EPPK1: variants seen among roughly 807,000 people sequenced by gnomAD.
EPPK1 encodes the protein epiplakin.
For missense variants in EPPK1, 3,823 were observed against 3,673.3 expected (o/e 1.04, Z -1.05); for synonymous variants, 1,862 against 1,721.2 (o/e 1.08, Z -2.03).
rs782280610 is a variant in EPPK1 at position 143,871,949 on chromosome 8, A to G, written c.1305T>C (p.Ala435=). The change falls in exon 2 of 2, where the codon GCT becomes GCC. Residue 435 remains alanine, a synonymous_variant. Coordinates refer to ENST00000615648, the MANE Select transcript of EPPK1 (RefSeq NM_031308.4). ...DEDTQRQLSQ[A]GSFSDGTHGG... ...CGTGCGTGCCGTCTGAGAAGCTGCC[A>G]GCCTGCGAGAGCTGCCGCTGAGTGT... The G allele has an allele frequency of 5.0e-6, 8 of 1,600,346 alleles. No individual in the cohort carries two copies. The highest frequency in any genetic ancestry group is 3.4e-5 in the Admixed American group (2 of 59,562).
chr8:143,872,203 CTGGGCTG>C lies in EPPK1; in HGVS notation c.1044_1050del (p.Pro350SerfsTer12). ...GCCACCAGGAGCTGCTCATGGAGCT[CTGGGCTG>C]ACCAGGCCCGCCCTGACTGCCTCGT... On this transcript the variant is annotated frameshift_variant, in exon 2 of 2. Transcript: ENST00000615648. LOFTEE classifies it low-confidence loss of function (END_TRUNC). 1 of 1,606,350 alleles carries C rather than the reference CTGGGCTG, an allele frequency of 6.2e-7. No individual in the cohort carries two copies. The highest frequency in any genetic ancestry group is 1.1e-5 in the South Asian group (1 of 90,044).
chr8:143,872,740 CAG>C lies in EPPK1; in HGVS notation c.512_513del (p.Pro171ArgfsTer21), dbSNP rs1243095784. On this transcript the variant is annotated frameshift_variant, in exon 2 of 2. Coordinates refer to ENST00000615648, the MANE Select transcript of EPPK1 (RefSeq NM_031308.4). LOFTEE classifies it low-confidence loss of function (END_TRUNC). ...AGGAGGCCCTGGTGGCAGGCTGGCT[CAG>C]GGGCCACGAGCACTCCCTGGGCGGG... ...VDPAQGVLVA[P>X]EPACHQGLLD... 10 of 1,594,288 alleles carry C rather than the reference CAG, an allele frequency of 6.3e-6. No individual in the cohort carries two copies. Among genetic ancestry groups the C allele is most frequent in the East Asian group, 4.5e-5 (2 of 44,592 alleles).
At position 143,870,875 on chromosome 8, in the gene EPPK1, C is replaced by G. The variant is rs201912091; in HGVS notation, c.2379G>C (p.Leu793=). ...GCGTGCTGCTGAGTGGCAGGAGGTA[C>G]AGGCCCGTCTCGGGGTCACGCACAC... The part of the protein sequence containing the change: ...ERCVRDPETG[L]YLLPLSSTQS... The change falls in exon 2 of 2, where the codon CTG becomes CTC. Residue 793 remains leucine (L), a synonymous_variant. Transcript: ENST00000615648. The surrounding 1 kb of genome is among the most constrained non-coding windows in gnomAD (Gnocchi z 5.2). 6.2e-7 allele frequency: 1 copy of G among 1,612,966 alleles called. No individual in the cohort carries two copies. The highest frequency in any genetic ancestry group is 8.5e-7 in the Non-Finnish European group (1 of 1,179,908).
chr8:143,872,158 G>A lies in EPPK1; in HGVS notation c.1096C>T (p.His366Tyr), dbSNP rs1554661458. Reference sequence around the variant, plus strand: ...TGGGAGCCACTGAAGGGGTCGTGGTGCCCTGTCACGGCCTGCTCGGCCACC... The same window carrying A: ...TGGGAGCCACTGAAGGGGTCGTGGTACCCTGTCACGGCCTGCTCGGCCACC... ...LLVAEQAVTG[H>Y]HDPFSGSQIP... Residue 366 changes from histidine (H) to tyrosine (Y), a missense_variant, in exon 2 of 2, where the codon CAC (histidine) becomes TAC (tyrosine). His to Tyr is a moderately conservative substitution (Grantham distance 83). Coordinates refer to ENST00000615648, the MANE Select transcript of EPPK1 (RefSeq NM_031308.4). 2 of 1,585,138 alleles carry A rather than the reference G, an allele frequency of 1.3e-6. No homozygotes were observed. The highest frequency in any genetic ancestry group is 1.7e-6 in the Non-Finnish European group (2 of 1,166,146).
In EPPK1 at chr8:143,869,459, G is replaced by C. The variant is rs377279686; in HGVS notation, c.3795C>G (p.Ala1265=). 42 of 1,562,886 alleles carry C rather than the reference G, an allele frequency of 2.7e-5. No individual in the cohort carries two copies. The African/African-American group carries it at 4.6e-4, about 17-fold the overall frequency. Residue 1265 remains alanine, a synonymous_variant, in exon 2 of 2, where the codon GCC becomes GCG. Coordinates refer to ENST00000615648, the MANE Select transcript of EPPK1 (RefSeq NM_031308.4). ...CTGTGGGCAGGAGGCCATCCCTCAC[G>C]GCCTGGGCGATGCTGGCCTTGGCCC... ...PSGAKASIAQ[A]VRDGLLPTGL... is the part of the protein sequence containing the mutation.
In EPPK1 at chr8:143,872,075, C is replaced by T; in HGVS notation, c.1179G>A (p.Arg393=). The part of the protein sequence containing the change: ...KGLVDRPLAL[R]LLDAQLATGG... ...CTGTGGCCAGCTGGGCATCCAAGAG[C>T]CGCAGTGCCAGTGGCCTGTCCACTA... Residue 393 remains arginine, a synonymous_variant, in exon 2 of 2, where the codon CGG becomes CGA. Coordinates refer to ENST00000615648, the MANE Select transcript of EPPK1 (RefSeq NM_031308.4). 3 of 1,561,984 alleles carry T rather than the reference C, an allele frequency of 1.9e-6. No homozygotes were observed. The highest frequency in any genetic ancestry group is 1.2e-5 in the South Asian group (1 of 85,936).
rs1202043048 is a variant in EPPK1, at chr8:143,867,500, C to T, written c.5754G>A (p.Arg1918=). The T allele has an allele frequency of 2.0e-5, 33 of 1,612,562 alleles. No homozygotes were observed. Among genetic ancestry groups the T allele is most frequent in the African/African-American group, 2.7e-5 (2 of 74,928 alleles). The change falls in exon 2 of 2, where the codon AGG becomes AGA. Residue 1918 remains arginine (R), a synonymous_variant. Coordinates refer to ENST00000615648, the MANE Select transcript of EPPK1 (RefSeq NM_031308.4). ...REVMSLHEAS[R]KELIPAAFAT... is the part of the protein sequence containing the mutation. ...CAAATGCTGCAGGGATGAGCTCCTTCCTGCTGGCCTCATGGAGGCTCATGA... is the reference window on the plus strand; with the variant it reads ...CAAATGCTGCAGGGATGAGCTCCTTTCTGCTGGCCTCATGGAGGCTCATGA...
At position 143,868,985 on chromosome 8, in the gene EPPK1, G is replaced by A. The variant is rs369225262; in HGVS notation, c.4269C>T (p.Cys1423=). The A allele has an allele frequency of 2.5e-5, 40 of 1,609,800 alleles. No homozygotes were observed. The highest frequency in any genetic ancestry group is 1.6e-4 in the Middle Eastern group (1 of 6,084). ...ACAGCAACAATCCGGTCTCGGAGTC[G>A]CACACGCAGCGCTCCCTGAGCTGCT... The part of the protein sequence containing the change: ...TYQQLRERCV[C]DSETGLLLLP... Residue 1423 remains cysteine, a synonymous_variant, in exon 2 of 2, where the codon TGC becomes TGT. Transcript: ENST00000615648.
Position 143,870,319 on chromosome 8 carries a change from G to C in EPPK1, c.2935C>G (p.Pro979Ala). 8 of 1,569,886 alleles carry C rather than the reference G, an allele frequency of 5.1e-6. No homozygotes were observed. Among genetic ancestry groups the C allele is most frequent in the Non-Finnish European group, 6.9e-6 (8 of 1,163,662 alleles). ...ATGTIMDPHS[P>A]ESLSVDEAVR... ...GCCTCATCCACCGAGAGGCTCTCTG[G>C]GCTGTGAGGGTCCATGATGGTTCCG... Residue 979 changes from proline to alanine, a missense_variant, in exon 2 of 2, where the codon CCA becomes GCA. Coordinates refer to ENST00000615648, the MANE Select transcript of EPPK1 (RefSeq NM_031308.4). This position sits in a 1 kb window ranked among gnomAD's most constrained non-coding sequence, Gnocchi z 5.2.
chr8:143,877,453 C>T (rs1408181690), intron 1 of EPPK1, among the ~76,000 whole-genome samples: 4 of 152,168 alleles, frequency 2.6e-5, no homozygotes, highest in Non-Finnish European at 5.9e-5. Flanking sequence ...TTCCCCGGAG[C>T]CTGAGGCACA....
Position 143,867,127 on chromosome 8 carries a change from G to A in EPPK1, c.6127C>T (p.Leu2043Phe). The change falls in exon 2 of 2, where the codon CTC becomes TTC. Residue 2043 changes from leucine (L) to phenylalanine (F), a missense_variant. Coordinates refer to ENST00000615648, the MANE Select transcript of EPPK1 (RefSeq NM_031308.4). ...CTCATGTGCTTCTGGTCGGAAATGA[G>A]CGCATAGATGTCCTTGTGCAGACAG... Reference protein sequence around the residue: ...RGCLHKDIYALISDQKHMRKR... With the variant: ...RGCLHKDIYAFISDQKHMRKR... 5.6e-6 allele frequency: 9 copies of A among 1,612,952 alleles called. No homozygotes were observed. The highest frequency in any genetic ancestry group is 7.6e-6 in the Non-Finnish European group (9 of 1,179,804).
At position 143,857,958 on chromosome 8, in the gene EPPK1, T is replaced by A. The variant is rs782465474; in HGVS notation, c.*29A>T. 3.4e-5 allele frequency: 48 copies of A among 1,398,030 alleles called. No homozygotes were observed. Among genetic ancestry groups the A allele is most frequent in the Non-Finnish European group, 2.8e-5 (29 of 1,036,080 alleles). The allele number at this position is 1,398,030 out of a possible 1,614,324, so 86.6% of individuals were successfully genotyped here. ...CAAGTATGCCTCCACTTCTCCAGAG[T>A]TGCAGAAAACTGCACGGAGGAAGCC... On this transcript the variant is annotated 3_prime_UTR_variant, in exon 2 of 2. Transcript: ENST00000615648.
Position 143,866,644 on chromosome 8 carries a change from G to T in EPPK1, c.6610C>A (p.Arg2204=). Reference sequence around the variant, plus strand: ...TCCATGAGCTCTTGCGTCGTGCTCCGTCCCGTTTCCAGGTCCTGGAGCATT... The same window carrying T: ...TCCATGAGCTCTTGCGTCGTGCTCCTTCCCGTTTCCAGGTCCTGGAGCATT... ...EEMLQDLETG[R]STTQELMEDD... The change falls in exon 2 of 2, where the codon CGG becomes AGG. Residue 2204 remains arginine (R), a synonymous_variant. Transcript: ENST00000615648. 1 of 1,612,988 alleles carries T rather than the reference G, an allele frequency of 6.2e-7. No individual in the cohort carries two copies. Among genetic ancestry groups the T allele is most frequent in the African/African-American group, 1.3e-5 (1 of 75,050 alleles).
chr8:143,871,833 C>A lies in EPPK1; in HGVS notation c.1421G>T (p.Gly474Val), dbSNP rs782796580. Residue 474 changes from glycine to valine, a missense_variant, in exon 2 of 2, where the codon GGA becomes GTA. Gly to Val is a moderately radical substitution (Grantham distance 109). Coordinates refer to ENST00000615648, the MANE Select transcript of EPPK1 (RefSeq NM_031308.4). ...AFLPLSGGPRGGEPQGPPFIK... is the reference protein window; with the variant it reads ...AFLPLSGGPRVGEPQGPPFIK... ...GAATGGGGGTCCCTGGGGCTCCCCT[C>A]CCCGGGGTCCCCCTGAGAGTGGCAG... The A allele has an allele frequency of 3.1e-6, 5 of 1,612,284 alleles. No individual in the cohort carries two copies. The South Asian group carries it at 5.5e-5, about 18-fold the overall frequency.
rs1340802617 is a variant in EPPK1 at position 143,872,028 on chromosome 8, C to A, written c.1226G>T (p.Arg409Leu). ...LATGGLVCPA[R>L]RLRLPLEAAL... ...GGCCTCCAGGGGCAGCCGGAGCCTG[C>A]GTGCTGGACAGACCAGCCCGCCTGT... The change falls in exon 2 of 2, where the codon CGC becomes CTC. Residue 409 changes from arginine to leucine, a missense_variant. Coordinates refer to ENST00000615648, the MANE Select transcript of EPPK1 (RefSeq NM_031308.4). The A allele has an allele frequency of 6.4e-7, 1 of 1,561,258 alleles. No individual in the cohort carries two copies. Among genetic ancestry groups the A allele is most frequent in the Admixed American group, 1.9e-5 (1 of 52,954 alleles).
In EPPK1 at chr8:143,869,849, C is replaced by T. The variant is rs367623515; in HGVS notation, c.3405G>A (p.Val1135=). ...GGGATGTGCCATCCTTGGCCCCCGGCACGGCCTGCAGGCTCCTCTGGACCT... is the reference window on the plus strand; with the variant it reads ...GGGATGTGCCATCCTTGGCCCCCGGTACGGCCTGCAGGCTCCTCTGGACCT... The part of the protein sequence containing the change: ...EEQVQRSLQA[V]PGAKDGTSLW... Residue 1135 remains valine, a synonymous_variant, in exon 2 of 2, where the codon GTG becomes GTA. Coordinates refer to ENST00000615648, the MANE Select transcript of EPPK1 (RefSeq NM_031308.4). The T allele has an allele frequency of 2.5e-6, 4 of 1,599,244 alleles. No individual in the cohort carries two copies. Among genetic ancestry groups the T allele is most frequent in the Non-Finnish European group, 3.4e-6 (4 of 1,173,780 alleles).
In EPPK1 at chr8:143,871,428, G is replaced by C; in HGVS notation, c.1826C>G (p.Thr609Arg). The change falls in exon 2 of 2, where the codon ACG becomes AGG. Residue 609 changes from threonine to arginine, a missense_variant. Physicochemically the swap from Thr to Arg is moderately conservative, Grantham distance 71. Coordinates refer to ENST00000615648, the MANE Select transcript of EPPK1 (RefSeq NM_031308.4). Reference protein sequence around the residue: ...LASVQRYLQGTGCIAGLLLPG... With the variant: ...LASVQRYLQGRGCIAGLLLPG... ...GAGCAGCAGGCCAGCAATGCAGCCC[G>C]TACCCTGCAGGTACCTCTGCACCGA... 1 of 1,604,190 alleles carries C rather than the reference G, an allele frequency of 6.2e-7. No individual in the cohort carries two copies. Among genetic ancestry groups the C allele is most frequent in the Non-Finnish European group, 8.5e-7 (1 of 1,176,720 alleles).
rs1554659795 is a variant in EPPK1 at position 143,868,176 on chromosome 8, G to A, written c.5078C>T (p.Pro1693Leu). The change falls in exon 2 of 2, where the codon CCC (proline) becomes CTC (leucine). Residue 1693 changes from proline (P) to leucine (L), a missense_variant. By Grantham distance (98) the Pro-to-Leu change is moderately conservative (BLOSUM62 -3). Transcript: ENST00000615648. The part of the protein sequence containing the change: ...AQIATGGIID[P>L]VHSHRVPVDV... ...CACGGGCACGCGGTGGCTGTGCACG[G>A]GGTCGATGATGCCGCCCGTGGCGAT... The A allele has an allele frequency of 1.2e-6, 2 of 1,612,950 alleles. No homozygotes were observed. The highest frequency in any genetic ancestry group is 1.7e-6 in the Non-Finnish European group (2 of 1,180,010).
Position 143,872,091 on chromosome 8 carries a change from C to T in EPPK1, c.1163G>A (p.Arg388Lys). 2.6e-6 allele frequency: 4 copies of T among 1,562,424 alleles called. No individual in the cohort carries two copies. Among genetic ancestry groups the T allele is most frequent in the Non-Finnish European group, 3.5e-6 (4 of 1,153,510 alleles). The change falls in exon 2 of 2, where the codon AGG (arginine) becomes AAG (lysine). Residue 388 changes from arginine to lysine, a missense_variant. Transcript: ENST00000615648. ...ATCCAAGAGCCGCAGTGCCAGTGGC[C>T]TGTCCACTAGCCCCTTCTTCATGGC... Reference protein sequence around the residue: ...FQAMKKGLVDRPLALRLLDAQ... With the variant: ...FQAMKKGLVDKPLALRLLDAQ...
Sources: allele counts gnomAD v4.1 joint callset (sites outside exome capture counted in the v4.1 genomes callset), GRCh38; gene constraint gnomAD v4.1.1; non-coding constraint Gnocchi (gnomAD v3.1); transcripts MANE v1.5; gene names NCBI Gene and HGNC (gene_info 2026-07-23, HGNC 2026-07-21).